Variants in MAML3 observed in about 807,000 individuals in gnomAD.
The protein encoded by MAML3 is mastermind like transcriptional coactivator 3, also known as mastermind-like protein 3.
A neutral mutation model predicts 101.9 loss-of-function variants in MAML3; 27 were observed. That is an observed-to-expected ratio of 0.27 (90% CI 0.20 to 0.37). The LOEUF (loss-of-function observed/expected upper bound fraction) is 0.37. Ranked by LOEUF, MAML3 falls within the 10% of genes least tolerant of loss-of-function variation. The pLI, the probability that MAML3 is intolerant of heterozygous loss-of-function variation, is 1.00. For synonymous variants in MAML3, 501 were observed against 555.9 expected (o/e 0.90, Z 1.39); for missense variants, 1,316 against 1,444.9 (o/e 0.91, Z 1.45).
chr4:139,871,669 C>A (rs1732009402), intron 2 of MAML3, among the ~76,000 whole-genome samples: 1 of 152,242 alleles, frequency 6.6e-6, no homozygotes, highest in African/African-American at 2.4e-5. Flanking sequence ...GGCTTCCACA[C>A]TCCCCTGGGT....
At position 139,980,910 on chromosome 4, in the gene MAML3, C is replaced by G. The variant is rs531491415; in HGVS notation, c.469-89943G>C. ...AGAATTGTGTAGCCAGAGAATACTCCTCTCTGTTGATTTTAAGCTAAAATC... is the reference window on the plus strand; with the variant it reads ...AGAATTGTGTAGCCAGAGAATACTCGTCTCTGTTGATTTTAAGCTAAAATC... On this transcript the variant is annotated intron_variant, in intron 1 of 4. Coordinates refer to ENST00000509479, the MANE Select transcript of MAML3 (RefSeq NM_018717.5). Among the ~76,000 whole-genome samples the G allele has an allele frequency of 5.9e-5, 9 of 152,314 alleles. No homozygotes were observed. The East Asian group carries it at 1.7e-3, about 29-fold the overall frequency.
At chr4:140,020,722 A>G in intron 1 of MAML3, among the ~76,000 whole-genome samples, 1 of 152,154 alleles carries the variant, frequency 6.6e-6, no homozygotes, top group East Asian at 1.9e-4. Flanking sequence ...AGTCTTATTA[A>G]AACTCCTACC....
At chr4:140,091,537 CAA>C (rs570700966) in intron 1 of MAML3, among the ~76,000 whole-genome samples, 15 of 71,622 alleles carry the variant, frequency 2.1e-4, no homozygotes, top group African/African-American at 7.0e-4. Flanking sequence ...AACAACAAAA[CAA>C]AAACAAAACA....
At chr4:139,989,456 G>A (rs997190856) in intron 1 of MAML3, among the ~76,000 whole-genome samples, 3 of 152,052 alleles carry the variant, frequency 2.0e-5, no homozygotes, top group Non-Finnish European at 2.9e-5. Flanking sequence ...CCTATTACCC[G>A]TATCATGCAA....
Position 139,719,564 on chromosome 4 carries a change from G to A in MAML3, c.3176C>T (p.Pro1059Leu). The change falls in exon 5 of 5, where the codon CCA becomes CTA. Residue 1059 changes from proline to leucine, a missense_variant. Pro to Leu is a moderately conservative substitution (Grantham distance 98). Transcript: ENST00000509479. The stretch of plus-strand genomic sequence containing the variant: ...CTGTGCTGGGGGCTGGCTGAACGCT[G>A]GCATGCCTGGGACTCCCTGGCTCAG... ...SGLSQGVPGM[P>L]AFSQPPAQQQ... 1 of 1,613,666 alleles carries A rather than the reference G, an allele frequency of 6.2e-7. No homozygotes were observed. Among genetic ancestry groups the A allele is most frequent in the Non-Finnish European group, 8.5e-7 (1 of 1,179,764 alleles).
intron 1 of MAML3, among the ~76,000 whole-genome samples, chr4:140,109,078 C>G (rs1728399250): frequency 6.6e-6 from 1 of 152,128 alleles, no homozygotes; most frequent in South Asian, 2.1e-4. Flanking sequence ...CTCACACATA[C>G]AAGTTACACT....
chr4:140,121,350 G>A (rs1728603345), intron 1 of MAML3, among the ~76,000 whole-genome samples: 1 of 152,158 alleles, frequency 6.6e-6, no homozygotes, highest in Non-Finnish European at 1.5e-5. Flanking sequence ...GACTATCCCA[G>A]CAACTTTACG....
chr4:140,072,899 C>T (rs988515965), intron 1 of MAML3, among the ~76,000 whole-genome samples: 1 of 152,060 alleles, frequency 6.6e-6, no homozygotes, highest in East Asian at 1.9e-4. Flanking sequence ...GTCACTTCTT[C>T]TGGGCTAACA....
At chr4:139,841,493 CAG>C (rs1731359833) in intron 2 of MAML3, among the ~76,000 whole-genome samples, 1 of 152,218 alleles carries the variant, frequency 6.6e-6, no homozygotes, top group Non-Finnish European at 1.5e-5. Flanking sequence ...AACAGGAGAG[CAG>C]AGAGAATCCC....
intron 1 of MAML3, among the ~76,000 whole-genome samples, chr4:140,091,840 CTCT>C (rs1214322959): frequency 6.6e-6 from 1 of 151,982 alleles, no homozygotes; most frequent in Non-Finnish European, 1.5e-5. Flanking sequence ...CAACCTTCCT[CTCT>C]TCGAGGACTG....
At chr4:139,766,687 C>T (rs1487783370) in intron 2 of MAML3, among the ~76,000 whole-genome samples, 6 of 152,282 alleles carry the variant, frequency 3.9e-5, no homozygotes, top group South Asian at 2.1e-4. Flanking sequence ...ACTCCAAGTC[C>T]GCCATTTCCT....
intron 1 of MAML3, among the ~76,000 whole-genome samples, chr4:140,071,658 A>G (rs1727655415): frequency 6.6e-6 from 1 of 152,072 alleles, no homozygotes; most frequent in African/African-American, 2.4e-5. Context: ...AGTTTAAAAA[A>G]AAAAAAAAAT....
intron 2 of MAML3, among the ~76,000 whole-genome samples, chr4:139,821,387 A>G (rs985977833): frequency 2.0e-5 from 3 of 152,170 alleles, no homozygotes; most frequent in Admixed American, 6.5e-5. Flanking sequence ...CCTACTGTGA[A>G]CTGTACATGT....
intron 1 of MAML3, among the ~76,000 whole-genome samples, chr4:140,018,735 T>C (rs1008056749): frequency 6.6e-6 from 1 of 152,220 alleles, no homozygotes; most frequent in African/African-American, 2.4e-5. Context: ...TTTTATGTTT[T>C]AAATAAATGG....
chr4:139,872,795 C>T (rs62344911), intron 2 of MAML3, among the ~76,000 whole-genome samples: 16 of 152,032 alleles, frequency 1.1e-4, no homozygotes, highest in South Asian at 8.3e-4. Context: ...AATAATCACA[C>T]GGCCGGGCAC....
intron 1 of MAML3, among the ~76,000 whole-genome samples, chr4:139,902,395 G>A (rs1197320395): frequency 6.6e-6 from 1 of 152,214 alleles, no homozygotes; most frequent in East Asian, 1.9e-4. Flanking sequence ...CCAAACCTGA[G>A]GGGGCTTAGG....
intron 2 of MAML3, among the ~76,000 whole-genome samples, chr4:139,771,654 C>T (rs374009413): frequency 8.5e-5 from 13 of 152,128 alleles, no homozygotes; most frequent in African/African-American, 2.4e-4. Context: ...GTTGAGAAAA[C>T]GGAAGATTGT....
At chr4:139,857,984 C>A (rs1450581062) in intron 2 of MAML3, among the ~76,000 whole-genome samples, 1 of 152,146 alleles carries the variant, frequency 6.6e-6, no homozygotes, top group Non-Finnish European at 1.5e-5. Context: ...TCACAGTGGA[C>A]CACCCCACCT....
At position 139,889,213 on chromosome 4, in the gene MAML3, C is replaced by G. The variant is rs149607210; in HGVS notation, c.2079+144G>C. The G allele has an allele frequency of 2.2e-5, 32 of 1,485,550 alleles. No homozygotes were observed. In the East Asian group the frequency reaches 7.2e-4, roughly 34 times the overall value. The allele number at this position is 1,485,550 out of a possible 1,614,324, so 92.0% of individuals were successfully genotyped here. A position where few individuals can be genotyped will look rare whatever the true frequency, so the allele number is the denominator to read the frequency against. ...AGAAATGGAAAAAGAACACTCCAAA[C>G]CTGGCCACTACCTGAGGATGTGTAA... On this transcript the variant is annotated intron_variant, in intron 2 of 4. Coordinates refer to ENST00000509479, the MANE Select transcript of MAML3 (RefSeq NM_018717.5).
Sources: allele counts gnomAD v4.1 joint callset (sites outside exome capture counted in the v4.1 genomes callset), GRCh38; gene constraint gnomAD v4.1.1; transcripts MANE v1.5; gene names NCBI Gene and HGNC (gene_info 2026-07-23, HGNC 2026-07-21).